The following RAPGEF3 variants were observed in gnomAD, a reference collection of about 807,000 sequenced individuals.
RAPGEF3 encodes the protein Rap guanine nucleotide exchange factor 3.
RAPGEF3 carries 103 observed loss-of-function variants against 129.8 expected under a neutral mutation model. The ratio of observed to expected loss-of-function variants is 0.79; its 90% CI spans 0.68 to 0.93. RAPGEF3 has a LOEUF of 0.93. RAPGEF3 is among the 40% of genes least tolerant of loss of function. The probability of loss-of-function intolerance (pLI) is 0.00; values close to 1 mark genes in which losing one functional copy is unlikely to be tolerated. For synonymous variants in RAPGEF3, 436 were observed against 482.6 expected (o/e 0.90, Z 1.26); for missense variants, 1,117 against 1,207.4 (o/e 0.93, Z 1.11).
chr12:47,743,993 C>A lies in RAPGEF3; in HGVS notation c.1672G>T (p.Asp558Tyr). The A allele has an allele frequency of 6.2e-7, 1 of 1,605,670 alleles. No individual in the cohort carries two copies. The highest frequency in any genetic ancestry group is 8.5e-7 in the Non-Finnish European group (1 of 1,172,576). The stretch of plus-strand genomic sequence containing the variant: ...GCCGGCACAGACCACCAACCTTTAT[C>A]CCCAACTTGGATGGCACAGCTGCTG... ...PGSSCAIQVG[D>Y]KVPYDICRPD... Residue 558 changes from aspartate to tyrosine, a missense_variant, in exon 17 of 28, where the codon GAT becomes TAT. This residue lies in a region of RAPGEF3 where 643 missense variants were observed against 673.4 expected (regional missense o/e 0.95). Transcript: ENST00000449771.
Position 47,758,754 on chromosome 12 carries a change from T to C in RAPGEF3, c.-198A>G. On this transcript the variant is annotated 5_prime_UTR_variant, in exon 1 of 28. Coordinates refer to ENST00000449771, the MANE Select transcript of RAPGEF3 (RefSeq NM_001098531.4). The stretch of plus-strand genomic sequence containing the variant: ...GCTCGGTGGAGAGGCTCCTCTTGGG[T>C]GAGTAGAGGGGTGGGGGCGTGGTGG... 7.9e-7 allele frequency: 1 copy of C among 1,265,406 alleles called. No individual in the cohort carries two copies. Among genetic ancestry groups the C allele is most frequent in the Non-Finnish European group, 1.0e-6 (1 of 1,003,428 alleles). 78.4% of individuals were successfully genotyped at this position (1,265,406 alleles called of 1,614,324 possible). A position where few individuals can be genotyped will look rare whatever the true frequency, so the allele number is the denominator to read the frequency against.
Position 47,749,594 on chromosome 12 carries a change from G to A in RAPGEF3, c.895-58C>T, listed in dbSNP as rs905804604. 153 of 1,455,412 alleles carry A rather than the reference G, an allele frequency of 1.1e-4. 1 individual carries two copies. In the Middle Eastern group the frequency reaches 1.4e-3, roughly 14 times the overall value. 90.2% of individuals were successfully genotyped at this position (1,455,412 alleles called of 1,614,324 possible). Reference sequence around the variant, plus strand: ...GCCGCCCCTGCCGCCCCCAGCTCTTGCCAGGACAGACCCACGGCAGGAGAA... The same window carrying A: ...GCCGCCCCTGCCGCCCCCAGCTCTTACCAGGACAGACCCACGGCAGGAGAA... On this transcript the variant is annotated intron_variant, in intron 9 of 27. Coordinates refer to ENST00000449771, the MANE Select transcript of RAPGEF3 (RefSeq NM_001098531.4). The surrounding 1 kb of genome is among the most constrained non-coding windows in gnomAD (Gnocchi z 4.5).
intron 15 of RAPGEF3, 64 bp from the exon 16 acceptor site, chr12:47,746,963 C>T (rs1941458321): frequency 2.0e-6 from 3 of 1,498,662 alleles, no homozygotes; most frequent in East Asian, 2.3e-5. Context: ...GCAGGGAGGC[C>T]CTTGGGGCTC....
intron 16 of RAPGEF3, chr12:47,745,700 G>C (rs986608267): frequency 6.6e-6 from 1 of 152,136 alleles, no homozygotes; most frequent in African/African-American, 2.4e-5. Context: ...GCACATTCAG[G>C]GAAAGTGTCC....
chr12:47,747,603 C>G lies in RAPGEF3; in HGVS notation c.1497G>C (p.Arg499Ser), dbSNP rs769758965. ...FLQKLSDLVG[R>S]DTRLSNLLRE... ...TCAGCAGGTTGCTGAGTCGGGTGTCCCTGCCCACCAGGTCTGAGAGTTTCT... is the reference window on the plus strand; with the variant it reads ...TCAGCAGGTTGCTGAGTCGGGTGTCGCTGCCCACCAGGTCTGAGAGTTTCT... The change falls in exon 15 of 28, where the codon AGG becomes AGC. Residue 499 changes from arginine to serine, a missense_variant. Physicochemically the swap from Arg to Ser is moderately radical, Grantham distance 110 (BLOSUM62 -1). Around this residue, in one of 3 missense-constraint regions of RAPGEF3, gnomAD observed 643 missense variants for 673.4 expected, o/e 0.95. Coordinates refer to ENST00000449771, the MANE Select transcript of RAPGEF3 (RefSeq NM_001098531.4). 2.0e-5 allele frequency: 33 copies of G among 1,613,990 alleles called. No individual in the cohort carries two copies. The East Asian group carries it at 7.1e-4, about 35-fold the overall frequency.
At position 47,749,573 on chromosome 12, in the gene RAPGEF3, C is replaced by A; in HGVS notation, c.895-37G>T. 1 of 1,557,736 alleles carries A rather than the reference C, an allele frequency of 6.4e-7. No homozygotes were observed. On this transcript the variant is annotated intron_variant, in intron 9 of 27. Coordinates refer to ENST00000449771, the MANE Select transcript of RAPGEF3 (RefSeq NM_001098531.4). The surrounding 1 kb of genome is among the most constrained non-coding windows in gnomAD (Gnocchi z 4.5). ...CCTCAGTCTCAGCCCGCCCCTGCCG[C>A]CCCTGCCGCCCCCAGCTCTTGCCAG...
In RAPGEF3 at chr12:47,749,696, C is replaced by A; in HGVS notation, c.894+45G>T. ...GCCCATGAGGACATGGACCAGGGAG[C>A]AGTTAGGACCCAGGGCACTGGGGTG... On this transcript the variant is annotated intron_variant, in intron 9 of 27. Transcript: ENST00000449771. This position sits in a 1 kb window ranked among gnomAD's most constrained non-coding sequence, Gnocchi z 4.5. 1.2e-6 allele frequency: 2 copies of A among 1,610,180 alleles called. No homozygotes were observed.
rs896092831 is a variant in RAPGEF3 at position 47,751,347 on chromosome 12, C to T, written c.502+52G>A. 7 of 1,609,556 alleles carry T rather than the reference C, an allele frequency of 4.3e-6. No homozygotes were observed. The South Asian group carries it at 6.6e-5, about 15-fold the overall frequency. ...CTTCCCAGGACTGCCCTGTCCTGTC[C>T]CCCTCACTGCCCAGCCCAGCCCGGG... On this transcript the variant is annotated intron_variant, in intron 5 of 27. Transcript: ENST00000449771.
intron 5 of RAPGEF3, 24 bp from the exon 6 acceptor site, chr12:47,751,240 G>T (rs762189361): frequency 6.5e-7 from 1 of 1,546,354 alleles, no homozygotes; most frequent in Admixed American, 2.0e-5. Context: ...GCCCAGGCGT[G>T]GGGGAGGAGA....
In RAPGEF3 at chr12:47,749,898, G is replaced by A. The variant is rs1219874178; in HGVS notation, c.817+32C>T. On this transcript the variant is annotated intron_variant, in intron 8 of 27. Transcript: ENST00000449771. The surrounding 1 kb of genome is among the most constrained non-coding windows in gnomAD (Gnocchi z 4.5). ...ATCCTTCTGCCCATGTCCAGGCCCT[G>A]TGCCTGGCTTCTTATGCCCTGCTGG... 1.2e-6 allele frequency: 2 copies of A among 1,614,134 alleles called. No homozygotes were observed. The highest frequency in any genetic ancestry group is 1.7e-6 in the Non-Finnish European group (2 of 1,179,950).
intron 13 of RAPGEF3, 106 bp from the exon 14 acceptor site, chr12:47,747,968 G>T: frequency 6.3e-7 from 1 of 1,579,242 alleles, no homozygotes. Context: ...CTGGCAGCAG[G>T]CTGGCATTTA....
chr12:47,748,528 G>C lies in RAPGEF3; in HGVS notation c.1169C>G (p.Ser390Cys). ...TPGRNRYTVM[S>C]GTPEKILELL... The stretch of plus-strand genomic sequence containing the variant: ...CTCTAGGATCTTCTCTGGGGTGCCA[G>C]ACATCACTGTATACCTAGCAGAAAT... Residue 390 changes from serine (S) to cysteine (C), a missense_variant, in exon 12 of 28, where the codon TCT (serine) becomes TGT (cysteine). Coordinates refer to ENST00000449771, the MANE Select transcript of RAPGEF3 (RefSeq NM_001098531.4). 6.2e-7 allele frequency: 1 copy of C among 1,613,914 alleles called. No homozygotes were observed. Among genetic ancestry groups the C allele is most frequent in the South Asian group, 1.1e-5 (1 of 91,044 alleles).
chr12:47,751,591 A>G, intron 4 of RAPGEF3, 71 bp from the exon 5 acceptor site: 2 of 1,605,468 alleles, frequency 1.2e-6, no homozygotes, highest in Non-Finnish European at 1.7e-6. Context: ...ATGCATTAGA[A>G]AGGCACCCTC....
At chr12:47,744,260 C>A in intron 16 of RAPGEF3, 192 bp from the exon 17 acceptor site, 1 of 602,010 alleles carries the variant, frequency 1.7e-6, no homozygotes, top group South Asian at 2.0e-5. Context: ...GGAGAAGACA[C>A]AACATGTCTA....
chr12:47,747,371 G>T (rs1193610851), intron 15 of RAPGEF3, among the ~76,000 whole-genome samples, 173 bp downstream of exon 15: 1 of 152,170 alleles, frequency 6.6e-6, no homozygotes, highest in African/African-American at 2.4e-5. Context: ...GCATGAGAAT[G>T]GAGGGACATG....
Position 47,737,337 on chromosome 12 carries a change from T to C in RAPGEF3, c.*230A>G. ...ACTCCTGGGGCCTCTCTGTCCTCCC[T>C]TCCTTGGCCTTGGGTCATTCGTTAT... On this transcript the variant is annotated 3_prime_UTR_variant, in exon 28 of 28. Transcript: ENST00000449771. The C allele has an allele frequency of 1.8e-6, 1 of 551,826 alleles. No individual in the cohort carries two copies. The highest frequency in any genetic ancestry group is 3.2e-6 in the Non-Finnish European group (1 of 307,834). The allele number at this position is 551,826 out of a possible 1,614,324, so 34.2% of individuals were successfully genotyped here.
chr12:47,747,677 G>A (rs754234953), intron 14 of RAPGEF3, 35 bp downstream of exon 14: 1 of 1,612,208 alleles, frequency 6.2e-7, no homozygotes, highest in Non-Finnish European at 8.5e-7. Flanking sequence ...TCCACCCCGG[G>A]CAGCCCAGCC....
rs1164069805 is a variant in RAPGEF3, at chr12:47,749,855, C to T, written c.818-38G>A. 1 of 1,613,898 alleles carries T rather than the reference C, an allele frequency of 6.2e-7. No homozygotes were observed. The highest frequency in any genetic ancestry group is 1.3e-5 in the African/African-American group (1 of 74,942). ...TACCTCAGACCGGGCCCTCCTGGCA[C>T]CTACCATTCCTTCACACATCCTTCT... On this transcript the variant is annotated intron_variant, in intron 8 of 27. Coordinates refer to ENST00000449771, the MANE Select transcript of RAPGEF3 (RefSeq NM_001098531.4). This position sits in a 1 kb window ranked among gnomAD's most constrained non-coding sequence, Gnocchi z 4.5.
intron 1 of RAPGEF3, 155 bp downstream of exon 1, chr12:47,758,396 A>G: frequency 2.0e-5 from 31 of 1,527,580 alleles, no homozygotes; most frequent in Non-Finnish European, 2.7e-5. Context: ...CTATAGATTC[A>G]CTAGGTCTCC....
Sources: gnomAD v4.1 joint callset for allele counts (sites outside exome capture counted in the v4.1 genomes callset) on GRCh38, gnomAD v4.1.1 for gene constraint, gnomAD v4.1.1 regional missense constraint, Gnocchi (gnomAD v3.1) non-coding constraint, MANE v1.5 for transcripts, NCBI Gene and HGNC (gene_info 2026-07-23, HGNC 2026-07-21) for gene names.